The following GEMIN7 variants were observed in gnomAD, a reference collection of about 807,000 sequenced individuals.
The protein encoded by GEMIN7 is gem nuclear organelle associated protein 7, also known as gem-associated protein 7.
A neutral mutation model predicts 7.8 loss-of-function variants in GEMIN7; 7 were observed. The ratio of observed to expected loss-of-function variants is 0.90; its 90% confidence interval spans 0.51 to 1.69. The LOEUF (loss-of-function observed/expected upper bound fraction) is 1.69. Among genes scored for constraint, GEMIN7 ranks in the 40% most tolerant of loss-of-function variants. The pLI is 0.00. For missense variants in GEMIN7, 159 were observed against 176.2 expected, an observed-to-expected ratio of 0.90 and a Z score of 0.55; for synonymous variants, 68 against 72.4, an observed-to-expected ratio of 0.94 and a Z score of 0.31.
chr19:45,088,320 C>CTGTTT (rs1967771651), intron 2 of GEMIN7, among the ~76,000 whole-genome samples: 1 of 151,744 alleles, frequency 6.6e-6, no homozygotes, highest in African/African-American at 2.4e-5. Context: ...GTTAGTTGTG[C>CTGTTT]TGTTTTTGTT....
chr19:45,087,333 G>A (rs556913996), intron 2 of GEMIN7, among the ~76,000 whole-genome samples: 134 of 152,224 alleles, frequency 8.8e-4, no homozygotes, highest in African/African-American at 2.9e-3. Flanking sequence ...TAGTACAGAC[G>A]GGGTTTTACT....
At chr19:45,085,891 G>A (rs1234351893) in intron 2 of GEMIN7, among the ~76,000 whole-genome samples, 2 of 81,826 alleles carry the variant, frequency 2.4e-5, no homozygotes, top group Admixed American at 1.4e-4. Context: ...TTTTTGAGAC[G>A]GAGTCTCGCT....
upstream of GEMIN7, among the ~76,000 whole-genome samples, chr19:45,078,122 A>G (rs1041680865): frequency 1.1e-4 from 11 of 100,624 alleles, no homozygotes; most frequent in Non-Finnish European, 2.1e-4. Flanking sequence ...TTTTTTTGAG[A>G]TGGAGTTTCA....
chr19:45,080,766 T>TG (rs1967476851), intron 2 of GEMIN7, among the ~76,000 whole-genome samples: 1 of 110,746 alleles, frequency 9.0e-6, no homozygotes, highest in Non-Finnish European at 2.0e-5. Context: ...TTGTTTTTTG[T>TG]TTTTTTTTTT....
At chr19:45,076,885 A>G (rs903626957), upstream of GEMIN7, 1 of 152,614 alleles carries the variant, frequency 6.6e-6, no homozygotes, top group African/African-American at 2.4e-5. This position sits in a 1 kb window ranked among gnomAD's most constrained non-coding sequence, Gnocchi z 4.9. Context: ...CCCTGAGAAT[A>G]CAGGAGGGAA....
At chr19:45,076,205 A>G (rs749327300), upstream of GEMIN7, 1 of 1,506,474 alleles carries the variant, frequency 6.6e-7, no homozygotes, top group South Asian at 1.3e-5. The surrounding 1 kb of genome is among the most constrained non-coding windows in gnomAD (Gnocchi z 4.9). Context: ...CCCGCCGAGG[A>G]CACCTCCTTC....
intron 2 of GEMIN7, among the ~76,000 whole-genome samples, chr19:45,087,573 A>G (rs1319630039): frequency 6.6e-6 from 1 of 152,224 alleles, no homozygotes; most frequent in African/African-American, 2.4e-5. Flanking sequence ...CAGGGAACCG[A>G]AAGTGCAAGA....
intron 2 of GEMIN7, among the ~76,000 whole-genome samples, chr19:45,087,222 C>A (rs1182930887): frequency 6.6e-6 from 1 of 152,182 alleles, no homozygotes; most frequent in African/African-American, 2.4e-5. Flanking sequence ...CTGCTCACTG[C>A]AACCTCTGCC....
At chr19:45,076,300 A>G, upstream of GEMIN7, 1 of 1,441,192 alleles carries the variant, frequency 6.9e-7, no homozygotes. The surrounding 1 kb of genome is among the most constrained non-coding windows in gnomAD (Gnocchi z 4.9). Context: ...CTGCATTTCC[A>G]TCTCGTCGTC....
chr19:45,081,325 G>A (rs1447003298), intron 2 of GEMIN7, among the ~76,000 whole-genome samples: 1 of 152,000 alleles, frequency 6.6e-6, no homozygotes, highest in Non-Finnish European at 1.5e-5. Context: ...GTGCAGTGGT[G>A]CGCGCCTGTA....
rs1967422362 is a variant in GEMIN7, at chr19:45,079,349, C to T, written c.-160C>T. On this transcript the variant is annotated 5_prime_UTR_variant, in exon 1 of 3. Coordinates refer to ENST00000270257, the MANE Select transcript of GEMIN7 (RefSeq NM_024707.3). ...CGGCCCCAGCTCTGGACGCTCACCCCAGTGCAACGCCCTGAGTGACGGAAA... is the reference window on the plus strand; with the variant it reads ...CGGCCCCAGCTCTGGACGCTCACCCTAGTGCAACGCCCTGAGTGACGGAAA... 1.3e-5 allele frequency: 2 copies of T among 152,564 alleles called. No individual in the cohort carries two copies. The highest frequency in any genetic ancestry group is 2.1e-4 in the South Asian group (1 of 4,828). The allele number at this position is 152,564 out of a possible 1,614,324, so 9.5% of individuals were successfully genotyped here. A position where few individuals can be genotyped will look rare whatever the true frequency, so the allele number is the denominator to read the frequency against.
At chr19:45,081,284 G>A (rs10401638) in intron 2 of GEMIN7, among the ~76,000 whole-genome samples, 10 of 151,836 alleles carry the variant, frequency 6.6e-5, no homozygotes. Flanking sequence ...TGGCCAAACC[G>A]CGTCTCTACT....
intron 2 of GEMIN7, among the ~76,000 whole-genome samples, chr19:45,081,088 G>C (rs764324333): frequency 8.5e-5 from 13 of 152,168 alleles, no homozygotes; most frequent in Non-Finnish European, 1.6e-4. Context: ...GATATCTTGA[G>C]TCCAGGAGTT....
At chr19:45,082,849 A>G (rs1276532285) in intron 2 of GEMIN7, among the ~76,000 whole-genome samples, 1 of 146,344 alleles carries the variant, frequency 6.8e-6, no homozygotes, top group African/African-American at 2.6e-5. Context: ...TTGAACTCCT[A>G]CGCTAAAGCA....
intron 2 of GEMIN7, among the ~76,000 whole-genome samples, chr19:45,086,394 A>C (rs1967689668): frequency 6.6e-6 from 1 of 152,168 alleles, no homozygotes; most frequent in Non-Finnish European, 1.5e-5. Context: ...GAGAGGACCA[A>C]GCCACAGGGA....
intron 2 of GEMIN7, among the ~76,000 whole-genome samples, chr19:45,084,297 T>G (rs1842023363): frequency 6.6e-6 from 1 of 150,416 alleles, no homozygotes; most frequent in African/African-American, 2.4e-5. Flanking sequence ...TTTGGGAGGC[T>G]GAGGCAAGAG....
At chr19:45,083,549 A>G (rs1161362305) in intron 2 of GEMIN7, among the ~76,000 whole-genome samples, 1 of 149,840 alleles carries the variant, frequency 6.7e-6, no homozygotes, top group Non-Finnish European at 1.5e-5. Context: ...TGAGGTTTAG[A>G]TGCCTCCCAG....
upstream of GEMIN7, among the ~76,000 whole-genome samples, chr19:45,077,734 C>T (rs1371973601): frequency 6.6e-6 from 1 of 152,182 alleles, no homozygotes; most frequent in Non-Finnish European, 1.5e-5. Flanking sequence ...AATTACACTC[C>T]ATGACCTCCA....
chr19:45,078,653 C>A (rs1967405113), upstream of GEMIN7, among the ~76,000 whole-genome samples: 1 of 152,152 alleles, frequency 6.6e-6, no homozygotes, highest in African/African-American at 2.4e-5. Flanking sequence ...GGCACTAGGC[C>A]TTGGTGATCT....
Sources: gnomAD v4.1 joint callset for allele counts (sites outside exome capture counted in the v4.1 genomes callset) on GRCh38, gnomAD v4.1.1 for gene constraint, Gnocchi (gnomAD v3.1) non-coding constraint, MANE v1.5 for transcripts, NCBI Gene and HGNC (gene_info 2026-07-23, HGNC 2026-07-21) for gene names.